The following POC1B variants were observed in gnomAD, a reference collection of about 807,000 sequenced individuals.
POC1B encodes POC1 centriolar protein B, also known as POC1 centriolar protein homolog B.
Under a neutral mutation model 60.6 loss-of-function variants are expected in POC1B, and 44 were observed. The observed-to-expected ratio is 0.73, with a 90% CI of 0.57 to 0.93. The LOEUF is 0.93. POC1B is among the 40% of genes least tolerant of loss of function. The pLI is 0.00. For synonymous variants in POC1B, 180 were observed against 198.9 expected (o/e 0.90, Z 0.80); for missense variants, 555 against 572.3 (o/e 0.97, Z 0.31).
chr12:89,489,772 A>G (rs890049124), intron 4 of POC1B, among the ~76,000 whole-genome samples: 2 of 152,174 alleles, frequency 1.3e-5, no homozygotes, highest in African/African-American at 4.8e-5. Flanking sequence ...GCCATACCCC[A>G]TACCTGCTTC....
chr12:89,465,807 A>G (rs955525195), intron 9 of POC1B, among the ~76,000 whole-genome samples: 2 of 152,218 alleles, frequency 1.3e-5, no homozygotes, highest in African/African-American at 2.4e-5. Flanking sequence ...AGAAATCCCA[A>G]GATATGGCTG....
intron 2 of POC1B, among the ~76,000 whole-genome samples, chr12:89,510,177 T>A (rs1870111394): frequency 6.6e-6 from 1 of 152,132 alleles, no homozygotes; most frequent in Non-Finnish European, 1.5e-5. Flanking sequence ...GGGAGGCAAT[T>A]AAATTATAGG....
At chr12:89,501,056 T>G in intron 2 of POC1B, 1 of 1,085,976 alleles carries the variant, frequency 9.2e-7, no homozygotes, top group Non-Finnish European at 1.4e-6. Flanking sequence ...GATCTTGGGA[T>G]TACTATACCA....
the POC1B span, among the ~76,000 whole-genome samples, chr12:89,411,994 T>C: frequency 1.2e-3 from 181 of 152,374 alleles, no homozygotes; most frequent in Non-Finnish European, 2.2e-3. Flanking sequence ...TGGAATTCTA[T>C]AGCAAAAGGC....
intron 2 of POC1B, among the ~76,000 whole-genome samples, chr12:89,499,361 A>C (rs1323573775): frequency 6.6e-6 from 1 of 152,200 alleles, no homozygotes; most frequent in Non-Finnish European, 1.5e-5. Flanking sequence ...AGAGGGAGGA[A>C]AGGAGCGGGG....
rs537321224 is a variant in POC1B, at chr12:89,482,708, C to A, written c.452+9228G>T. Among the ~76,000 whole-genome samples the A allele has an allele frequency of 3.5e-4, 53 of 152,252 alleles. 2 individuals are homozygous for A. The South Asian group carries it at 7.9e-3, about 23-fold the overall frequency. On this transcript the variant is annotated intron_variant, in intron 4 of 11. Transcript: ENST00000313546. ...TAACAAAATACTGCACACTGGGTAG[C>A]ATATAAACAACAGAAATTTATTTCT... is the stretch of plus-strand genomic sequence containing the variant.
Position 89,467,698 on chromosome 12 carries a change from G to T in POC1B, c.811-13C>A, listed in dbSNP as rs779558376. On this transcript the variant is annotated splice_polypyrimidine_tract_variant and intron_variant, in intron 7 of 11. Coordinates refer to ENST00000313546, the MANE Select transcript of POC1B (RefSeq NM_172240.3). ...TAAAGACAGGTCCCTGAGAAATAAAGGGAAATAAAGAAAAAAAGTACTTGG... is the reference window on the plus strand; with the variant it reads ...TAAAGACAGGTCCCTGAGAAATAAATGGAAATAAAGAAAAAAAGTACTTGG... The T allele has an allele frequency of 3.8e-6, 6 of 1,596,586 alleles. No homozygotes were observed. The highest frequency in any genetic ancestry group is 5.1e-6 in the Non-Finnish European group (6 of 1,166,964).
intron 2 of POC1B, 62 bp downstream of exon 2, chr12:89,525,058 G>A (rs563291861): frequency 5.0e-6 from 8 of 1,607,450 alleles, no homozygotes; most frequent in East Asian, 2.2e-5. Context: ...CGGACAGGAG[G>A]AAAGGTTTCC....
chr12:89,436,219 G>C (rs1374574140), intron 10 of POC1B, among the ~76,000 whole-genome samples: 3 of 151,944 alleles, frequency 2.0e-5, no homozygotes, highest in African/African-American at 7.3e-5. Flanking sequence ...CCAAAGTGCT[G>C]GGATTACAGG....
chr12:89,462,945 G>A (rs569479408), intron 9 of POC1B, among the ~76,000 whole-genome samples: 1 of 152,230 alleles, frequency 6.6e-6, no homozygotes, highest in Admixed American at 6.5e-5. Context: ...CCAGTTAGAA[G>A]TAGAATACAA....
downstream of POC1B, among the ~76,000 whole-genome samples, chr12:89,416,446 G>A (rs1880366273): frequency 6.6e-6 from 1 of 152,180 alleles, no homozygotes; most frequent in Non-Finnish European, 1.5e-5. Flanking sequence ...TGATTGTGGG[G>A]GAAGGGATAA....
At chr12:89,439,865 A>G (rs1020904692) in intron 10 of POC1B, among the ~76,000 whole-genome samples, 1 of 152,196 alleles carries the variant, frequency 6.6e-6, no homozygotes, top group African/African-American at 2.4e-5. Context: ...TCAGCCTCGC[A>G]AAGTGCTGGG....
chr12:89,472,137 C>A, intron 5 of POC1B, 31 bp downstream of exon 5: 3 of 1,356,856 alleles, frequency 2.2e-6, no homozygotes, highest in South Asian at 1.3e-5. Context: ...GAAAACTAAC[C>A]CACATAAATG....
chr12:89,476,913 C>G (rs1215997507), intron 4 of POC1B, among the ~76,000 whole-genome samples: 1 of 152,082 alleles, frequency 6.6e-6, no homozygotes, highest in Non-Finnish European at 1.5e-5. Flanking sequence ...CCGTAAGACA[C>G]AAATCATTAG....
chr12:89,522,333 A>G (rs1870956515), intron 2 of POC1B: 1 of 396,300 alleles, frequency 2.5e-6, no homozygotes. Context: ...ATTAAAAAAT[A>G]AAATCTAAAA....
intron 2 of POC1B, among the ~76,000 whole-genome samples, chr12:89,510,388 T>C (rs1277320566): frequency 1.3e-5 from 2 of 152,194 alleles, no homozygotes; most frequent in African/African-American, 4.8e-5. Context: ...GACCTAGACA[T>C]CCAGCCCTGC....
chr12:89,489,832 C>G (rs1481491778), intron 4 of POC1B, among the ~76,000 whole-genome samples: 5 of 152,210 alleles, frequency 3.3e-5, no homozygotes, highest in Admixed American at 2.6e-4. Flanking sequence ...GTTTGTATGA[C>G]CCCTCCTTCT....
chr12:89,525,048 C>G, intron 2 of POC1B, 72 bp downstream of exon 2: 8 of 1,597,254 alleles, frequency 5.0e-6, no homozygotes, highest in East Asian at 2.3e-5. Context: ...GGACCCTGCC[C>G]GGACAGGAGG....
chr12:89,490,380 G>A (rs1868896725), intron 4 of POC1B, among the ~76,000 whole-genome samples: 1 of 152,066 alleles, frequency 6.6e-6, no homozygotes, highest in African/African-American at 2.4e-5. Flanking sequence ...TCACTCTGTT[G>A]CCCAGGCTGG....
Sources: allele counts gnomAD v4.1 joint callset (sites outside exome capture counted in the v4.1 genomes callset), GRCh38; gene constraint gnomAD v4.1.1; transcripts MANE v1.5; gene names NCBI Gene and HGNC (gene_info 2026-07-23, HGNC 2026-07-21).